RRBP1: variants seen among roughly 807,000 people sequenced by gnomAD.
The protein encoded by RRBP1 is ribosome-binding protein 1.
A neutral mutation model predicts 165.2 loss-of-function variants in RRBP1; 94 were observed. The observed-to-expected ratio is 0.57, with a 90% CI of 0.48 to 0.68. The LOEUF is 0.68. Ranked by LOEUF, RRBP1 falls within the 30% of genes least tolerant of loss-of-function variation. The probability of loss-of-function intolerance (pLI) is 0.00; values close to 1 mark genes in which losing one functional copy is unlikely to be tolerated. For missense variants in RRBP1, 1,676 were observed against 1,763.0 expected, an observed-to-expected ratio of 0.95 and a Z score of 0.88; for synonymous variants, 680 against 714.5, an observed-to-expected ratio of 0.95 and a Z score of 0.77.
rs570864047 is a variant in RRBP1, at chr20:17,629,089, A to G, written c.2749+734T>C. Among the ~76,000 whole-genome samples the G allele has an allele frequency of 3.3e-5, 5 of 152,360 alleles. No homozygotes were observed. The East Asian group carries it at 9.6e-4, about 29-fold the overall frequency. On this transcript the variant is annotated intron_variant, in intron 9 of 24. Transcript: ENST00000377813. ...AGCATTCACCATCCATCCCTCACAG[A>G]AACAGTTGCCAACCCTGCCCTGAAC...
intron 3 of RRBP1, among the ~76,000 whole-genome samples, chr20:17,647,988 G>A (rs1216420370): frequency 6.6e-6 from 1 of 152,158 alleles, no homozygotes; most frequent in East Asian, 1.9e-4. Context: ...GGGGCCCCAG[G>A]AAAGGGCTCC....
chr20:17,637,088 AT>A lies in RRBP1; in HGVS notation c.2185-360del, dbSNP rs1300993363. Among the ~76,000 whole-genome samples the A allele has an allele frequency of 5.3e-5, 8 of 151,440 alleles. No individual in the cohort carries two copies. In the South Asian group the frequency reaches 6.2e-4, roughly 12 times the overall value. On this transcript the variant is annotated intron_variant, in intron 5 of 24. Transcript: ENST00000377813. ...ACCCCAGCTTGACTCAGTCACCAAC[AT>A]CCAGGGCCCCTGGGACACCTACTTC...
intron 7 of RRBP1, among the ~76,000 whole-genome samples, chr20:17,633,951 G>A (rs548317641): frequency 8.2e-4 from 125 of 152,318 alleles, no homozygotes; most frequent in African/African-American, 2.9e-3. Flanking sequence ...AGATCCACCC[G>A]CCTTGACGCC....
rs371408403 is a variant in RRBP1 at position 17,618,611 on chromosome 20, G to A, written c.3744C>T (p.Ser1248=). 127 of 1,613,866 alleles carry A rather than the reference G, an allele frequency of 7.9e-5. No individual in the cohort carries two copies. Among genetic ancestry groups the A allele is most frequent in the Admixed American group, 4.3e-4 (26 of 60,014 alleles). The change falls in exon 20 of 25, where the codon AGC becomes AGT. Residue 1248 remains serine (S), a synonymous_variant. Transcript: ENST00000377813. Reference sequence around the variant, plus strand: ...GGCCACCTACCAGGGCAAGCTCATCGCTCTGTTTCTGGGCTTCGCTCTTGG... The same window carrying A: ...GGCCACCTACCAGGGCAAGCTCATCACTCTGTTTCTGGGCTTCGCTCTTGG... ...DAAKSEAQKQ[S]DELALVRQQL... is the part of the protein sequence containing the mutation.
chr20:17,670,122 T>C (rs555557955), intron 2 of RRBP1, among the ~76,000 whole-genome samples: 11 of 152,238 alleles, frequency 7.2e-5, no homozygotes, highest in Non-Finnish European at 1.3e-4. Context: ...TTTACATAAA[T>C]AGATGTTGAA....
chr20:17,663,130 G>A (rs1031031454), intron 2 of RRBP1, among the ~76,000 whole-genome samples: 1 of 152,186 alleles, frequency 6.6e-6, no homozygotes, highest in Non-Finnish European at 1.5e-5. Context: ...CAACAACCAT[G>A]TGCTCGAGGG....
chr20:17,624,591 G>T lies in RRBP1; in HGVS notation c.3132C>A (p.Ser1044=). 6.3e-7 allele frequency: 1 copy of T among 1,592,846 alleles called. No homozygotes were observed. Among genetic ancestry groups the T allele is most frequent in the Non-Finnish European group, 8.5e-7 (1 of 1,169,842 alleles). Residue 1044 remains serine, a synonymous_variant, in exon 13 of 25, where the codon TCC becomes TCA. Coordinates refer to ENST00000377813, the MANE Select transcript of RRBP1 (RefSeq NM_001365613.2). The part of the protein sequence containing the change: ...AEQACKEKLL[S]LTQAKEESEK... ...GGGCTCTGACCTTGGCCTGGGTCAG[G>T]GAGAGCAGCTTCTCCTTGCAGGCCT...
chr20:17,659,024 G>A lies in RRBP1; in HGVS notation c.1484C>T (p.Ala495Val), dbSNP rs1199142206. 1 of 1,579,732 alleles carries A rather than the reference G, an allele frequency of 6.3e-7. No homozygotes were observed. ...AQNQGKKAEGAQNQGKKAEGA... is the reference protein window; with the variant it reads ...AQNQGKKAEGVQNQGKKAEGA... ...CTCGGCCTTTTTGCCCTGGTTCTGA[G>A]CCCCCTCGGCCTTCTTGCCCTGGTT... The change falls in exon 3 of 25, where the codon GCT becomes GTT. Residue 495 changes from alanine to valine, a missense_variant. Transcript: ENST00000377813.
At chr20:17,680,885 G>C (rs2037168779) in intron 1 of RRBP1, among the ~76,000 whole-genome samples, 1 of 152,090 alleles carries the variant, frequency 6.6e-6, no homozygotes, top group African/African-American at 2.4e-5. Flanking sequence ...CTCGCAAATC[G>C]AAGCTAACAG....
Position 17,618,659 on chromosome 20 carries a change from T to C in RRBP1, c.3696A>G (p.Glu1232=), listed in dbSNP as rs140141886. ...EVAGLRQLLL[E]SQSQLDAAKS... ...TGGCGGCATCGAGCTGAGATTGAGATTCTAGGAGAAGTTGCCTCAGCTTGG... is the reference window on the plus strand; with the variant it reads ...TGGCGGCATCGAGCTGAGATTGAGACTCTAGGAGAAGTTGCCTCAGCTTGG... Residue 1232 remains glutamate (E), a synonymous_variant, in exon 20 of 25, where the codon GAA becomes GAG. Coordinates refer to ENST00000377813, the MANE Select transcript of RRBP1 (RefSeq NM_001365613.2). The C allele has an allele frequency of 1.7e-4, 267 of 1,613,926 alleles. No individual in the cohort carries two copies. The African/African-American group carries it at 3.3e-3, about 20-fold the overall frequency.
At chr20:17,665,998 ATC>A (rs2036860859) in intron 2 of RRBP1, among the ~76,000 whole-genome samples, 1 of 152,028 alleles carries the variant, frequency 6.6e-6, no homozygotes, top group South Asian at 2.1e-4. Context: ...CATTCAGTGG[ATC>A]TGTTTCTAGA....
intron 3 of RRBP1, among the ~76,000 whole-genome samples, chr20:17,651,552 G>A (rs184860273): frequency 2.0e-5 from 3 of 152,308 alleles, no homozygotes; most frequent in South Asian, 2.1e-4. Flanking sequence ...GGTGCAATAC[G>A]GAAAGATGTC....
chr20:17,674,081 T>A (rs537884137), intron 2 of RRBP1, among the ~76,000 whole-genome samples: 2 of 152,368 alleles, frequency 1.3e-5, no homozygotes, highest in Admixed American at 1.3e-4. Context: ...TTAATGCAGT[T>A]GAGTTGCACA....
intron 3 of RRBP1, among the ~76,000 whole-genome samples, chr20:17,654,269 G>C (rs2036609179): frequency 6.6e-6 from 1 of 152,214 alleles, no homozygotes; most frequent in African/African-American, 2.4e-5. Context: ...TGATGGAACT[G>C]GTGGCAGCAG....
At chr20:17,633,036 G>A (rs1469083746) in intron 8 of RRBP1, among the ~76,000 whole-genome samples, 2 of 152,172 alleles carry the variant, frequency 1.3e-5, no homozygotes, top group African/African-American at 4.8e-5. Flanking sequence ...AAGTATGGGA[G>A]GAAAAACACG....
chr20:17,627,547 G>A lies in RRBP1; in HGVS notation c.2885C>T (p.Ala962Val), dbSNP rs773899775. 2 of 1,613,144 alleles carry A rather than the reference G, an allele frequency of 1.2e-6. No individual in the cohort carries two copies. Among genetic ancestry groups the A allele is most frequent in the African/African-American group, 2.7e-5 (2 of 74,914 alleles). Residue 962 changes from alanine (A) to valine (V), a missense_variant, in exon 10 of 25, where the codon GCC becomes GTC. By Grantham distance (64) the Ala-to-Val change is moderately conservative (BLOSUM62 0). Around this residue, in one of 5 missense-constraint regions of RRBP1, gnomAD observed 1,184 missense variants for 1,167.1 expected, o/e 1.01. Coordinates refer to ENST00000377813, the MANE Select transcript of RRBP1 (RefSeq NM_001365613.2). ...CCGCGCCTGGCCCGCCTCCAGCAGG[G>A]CCTCAATGGAACGGATTCTCTCTGT... is the stretch of plus-strand genomic sequence containing the variant. ...QLTERIRSIE[A>V]LLEAGQARDA...
At chr20:17,666,868 T>C (rs576852812) in intron 2 of RRBP1, among the ~76,000 whole-genome samples, 2 of 72,866 alleles carry the variant, frequency 2.7e-5, no homozygotes, top group African/African-American at 9.4e-5. Flanking sequence ...ATTTTACCAA[T>C]TGCAGTTGAC....
At position 17,624,463 on chromosome 20, in the gene RRBP1, G is replaced by A; in HGVS notation, c.3147+113C>T. Reference sequence around the variant, plus strand: ...AGTGCCTCTGTATGTCTGTCCTAGTGCATCTGTGCGTCCTAGAGCATCTGG... The same window carrying A: ...AGTGCCTCTGTATGTCTGTCCTAGTACATCTGTGCGTCCTAGAGCATCTGG... On this transcript the variant is annotated intron_variant, in intron 13 of 24. Coordinates refer to ENST00000377813, the MANE Select transcript of RRBP1 (RefSeq NM_001365613.2). 4.2e-6 allele frequency: 3 copies of A among 719,826 alleles called. No individual in the cohort carries two copies. In the South Asian group the frequency reaches 4.8e-5, roughly 12 times the overall value. 44.6% of individuals were successfully genotyped at this position (719,826 alleles called of 1,614,324 possible).
chr20:17,635,237 C>T (rs1477828131), intron 7 of RRBP1, among the ~76,000 whole-genome samples: 1 of 152,176 alleles, frequency 6.6e-6, no homozygotes, highest in East Asian at 1.9e-4. Flanking sequence ...GATGAGAACC[C>T]CGCTAGGCAG....
Sources: allele counts gnomAD v4.1 joint callset (sites outside exome capture counted in the v4.1 genomes callset), GRCh38; gene constraint gnomAD v4.1.1; regional missense constraint gnomAD v4.1.1; transcripts MANE v1.5; gene names NCBI Gene and HGNC (gene_info 2026-07-23, HGNC 2026-07-21).